SULF2: variants seen among roughly 807,000 people sequenced by gnomAD.
SULF2 encodes extracellular sulfatase Sulf-2.
SULF2 carries 52 observed loss-of-function variants against 107.7 expected under a neutral mutation model. The observed-to-expected ratio is 0.48, with a 90% CI of 0.39 to 0.61. The LOEUF is 0.61. Among genes scored for constraint, SULF2 ranks in the 20% least tolerant of loss-of-function variants. SULF2 has a pLI of 0.00. For missense variants in SULF2, 993 were observed against 1,177.3 expected (o/e 0.84, Z 2.29); for synonymous variants, 460 against 464.3 (o/e 0.99, Z 0.12).
chr20:47,718,538 T>C (rs1014317554), intron 3 of SULF2, among the ~76,000 whole-genome samples: 1 of 152,170 alleles, frequency 6.6e-6, no homozygotes, highest in African/African-American at 2.4e-5. Context: ...ACTGGAATGT[T>C]TGGAGACTCT....
At position 47,759,050 on chromosome 20, in the gene SULF2, C is replaced by T. The variant is rs540706563; in HGVS notation, c.-100-1587G>A. ...CCATCCTCCATTTTCCCAGGGCAGC[C>T]GGAGGAATCTTCCTAAAATACAGAT... On this transcript the variant is annotated intron_variant, in intron 1 of 20. Coordinates refer to ENST00000688720, the MANE Select transcript of SULF2 (RefSeq NM_001387048.1). Among the ~76,000 whole-genome samples, 16 of 152,274 alleles carry T rather than the reference C, an allele frequency of 1.1e-4. No individual in the cohort carries two copies. In the South Asian group the frequency reaches 1.2e-3, roughly 12 times the overall value.
At chr20:47,726,062 G>A (rs1036603621) in intron 3 of SULF2, among the ~76,000 whole-genome samples, 3 of 152,124 alleles carry the variant, frequency 2.0e-5, no homozygotes, top group African/African-American at 7.2e-5. Flanking sequence ...CAGGGATGAG[G>A]AGGAGGAGAT....
intron 5 of SULF2, chr20:47,685,982 C>CTTTG (rs2087990828): frequency 6.6e-6 from 1 of 152,196 alleles, no homozygotes; most frequent in Non-Finnish European, 1.5e-5. Flanking sequence ...GCCAGTTAGT[C>CTTTG]CCCTCCCAAG....
chr20:47,716,148 T>C (rs948454174), intron 3 of SULF2, among the ~76,000 whole-genome samples: 1 of 152,228 alleles, frequency 6.6e-6, no homozygotes, highest in African/African-American at 2.4e-5. Context: ...GTATGTTGGT[T>C]ATATCTAGTG....
At chr20:47,670,950 T>C (rs1411891262) in intron 11 of SULF2, among the ~76,000 whole-genome samples, 2 of 152,100 alleles carry the variant, frequency 1.3e-5, no homozygotes, top group African/African-American at 2.4e-5. Flanking sequence ...AGAAATGGGC[T>C]ACGTGGGAAG....
Position 47,672,209 on chromosome 20 carries a change from A to G in SULF2, c.1565T>C (p.Leu522Pro), listed in dbSNP as rs751922229. ...GTTGTGACACTTACTCTTCTTGAAG[A>G]GTTTTTTCCGGCGTCCGGCCAGGCT... ...KLSLAGRRKKLFKKKYKASYV... is the reference protein window; with the variant it reads ...KLSLAGRRKKPFKKKYKASYV... Residue 522 changes from leucine to proline, a missense_variant, in exon 11 of 21, where the codon CTC becomes CCC. By Grantham distance (98) the Leu-to-Pro change is moderately conservative. Coordinates refer to ENST00000688720, the MANE Select transcript of SULF2 (RefSeq NM_001387048.1). 144 of 1,607,796 alleles carry G rather than the reference A, an allele frequency of 9.0e-5. 1 individual carries two copies. In the East Asian group the frequency reaches 2.6e-3, roughly 29 times the overall value.
chr20:47,700,274 A>G (rs796664941), intron 4 of SULF2, among the ~76,000 whole-genome samples: 2 of 152,346 alleles, frequency 1.3e-5, no homozygotes, highest in African/African-American at 2.4e-5. Context: ...TCCTTAGAGC[A>G]TGGCCATGCT....
At chr20:47,723,153 G>A (rs1298724850) in intron 3 of SULF2, among the ~76,000 whole-genome samples, 1 of 151,784 alleles carries the variant, frequency 6.6e-6, no homozygotes, top group Non-Finnish European at 1.5e-5. Context: ...CAGAGGCAGG[G>A]GAATTGCTTG....
intron 8 of SULF2, among the ~76,000 whole-genome samples, chr20:47,677,748 C>T (rs2087696980): frequency 6.6e-6 from 1 of 152,216 alleles, no homozygotes; most frequent in Admixed American, 6.5e-5. Flanking sequence ...AAGCTTCCAC[C>T]CTGTCCCCTG....
At chr20:47,700,551 G>A (rs1346635935) in intron 4 of SULF2, among the ~76,000 whole-genome samples, 2 of 151,216 alleles carry the variant, frequency 1.3e-5, no homozygotes, top group African/African-American at 2.4e-5. Flanking sequence ...CAACAAAGCA[G>A]CCCTGACAAA....
Position 47,665,785 on chromosome 20 carries a change from C to T in SULF2, c.1902+72G>A, listed in dbSNP as rs887536218. On this transcript the variant is annotated intron_variant, in intron 13 of 20. Transcript: ENST00000688720. ...TCCCTGGGTCTGGCCTCACTGCCCT[C>T]CCACTGTGAACCGGGGGTCCTGCCA... 9.8e-6 allele frequency: 13 copies of T among 1,321,566 alleles called. No individual in the cohort carries two copies. In the African/African-American group the frequency reaches 1.6e-4, roughly 16 times the overall value. The allele number at this position is 1,321,566 out of a possible 1,614,324, so 81.9% of individuals were successfully genotyped here. A position where few individuals can be genotyped will look rare whatever the true frequency, so the allele number is the denominator to read the frequency against.
chr20:47,701,769 G>A (rs916239202), intron 4 of SULF2, among the ~76,000 whole-genome samples: 22 of 152,230 alleles, frequency 1.4e-4, no homozygotes, highest in African/African-American at 5.3e-4. Flanking sequence ...ATACTAAGCA[G>A]GAGAAGCCAG....
rs1174241192 is a variant in SULF2, at chr20:47,756,258, C to T, written c.175+931G>A. Among the ~76,000 whole-genome samples the T allele has an allele frequency of 4.6e-5, 7 of 152,084 alleles. No individual in the cohort carries two copies. In the East Asian group the frequency reaches 1.2e-3, roughly 25 times the overall value. On this transcript the variant is annotated intron_variant, in intron 2 of 20. Transcript: ENST00000688720. ...GCAGACTCCCCATAGTTATCAAATG[C>T]GCCTCATTCTAAATGCTGCCAGGAG...
At chr20:47,712,327 G>A (rs2088960422) in intron 3 of SULF2, among the ~76,000 whole-genome samples, 1 of 152,166 alleles carries the variant, frequency 6.6e-6, no homozygotes, top group Non-Finnish European at 1.5e-5. Context: ...CCGAGCATTG[G>A]CACCTGCTCT....
chr20:47,754,556 G>A (rs571712403), intron 2 of SULF2, among the ~76,000 whole-genome samples: 14 of 152,194 alleles, frequency 9.2e-5, no homozygotes, highest in African/African-American at 3.1e-4. Flanking sequence ...AGACTTGTAG[G>A]CCCTAATCTA....
At chr20:47,741,227 C>T (rs1198173023) in intron 2 of SULF2, among the ~76,000 whole-genome samples, 1 of 152,038 alleles carries the variant, frequency 6.6e-6, no homozygotes, top group African/African-American at 2.4e-5. Context: ...GTGGTGGGAC[C>T]CAATCCCCTC....
chr20:47,710,729 C>T (rs1216173140), intron 3 of SULF2, among the ~76,000 whole-genome samples: 1 of 152,132 alleles, frequency 6.6e-6, no homozygotes, highest in African/African-American at 2.4e-5. Context: ...TTAATGGAGT[C>T]CCCCTGCCCC....
At chr20:47,708,051 C>T (rs1393914053) in intron 3 of SULF2, among the ~76,000 whole-genome samples, 1 of 152,190 alleles carries the variant, frequency 6.6e-6, no homozygotes, top group Non-Finnish European at 1.5e-5. Flanking sequence ...ATCCATTCGG[C>T]AAGTGTTGAT....
rs575082383 is a variant in SULF2 at position 47,666,690 on chromosome 20, C to T, written c.1577-202G>A. Among the ~76,000 whole-genome samples, 1 of 152,330 alleles carries T rather than the reference C, an allele frequency of 6.6e-6. No homozygotes were observed. The highest frequency in any genetic ancestry group is 2.4e-5 in the African/African-American group (1 of 41,590). ...GAGGGCCTCGAGGTGATCACACCGG[C>T]AAGACGGAAGTCCTGGAGCCAAGAA... On this transcript the variant is annotated intron_variant, in intron 11 of 20. Coordinates refer to ENST00000688720, the MANE Select transcript of SULF2 (RefSeq NM_001387048.1). This position sits in a 1 kb window ranked among gnomAD's most constrained non-coding sequence, Gnocchi z 5.4.
Sources: gnomAD v4.1 joint callset for allele counts (sites outside exome capture counted in the v4.1 genomes callset) on GRCh38, gnomAD v4.1.1 for gene constraint, Gnocchi (gnomAD v3.1) non-coding constraint, MANE v1.5 for transcripts, NCBI Gene and HGNC (gene_info 2026-07-23, HGNC 2026-07-21) for gene names.